RBFOX1: variants seen among roughly 807,000 people sequenced by gnomAD.
RBFOX1 encodes the protein RNA binding fox-1 homolog 1.
Under a neutral mutation model 57.7 loss-of-function variants are expected in RBFOX1, and 8 were observed. That is an observed-to-expected ratio of 0.14 (90% CI 0.08 to 0.25). The LOEUF (loss-of-function observed/expected upper bound fraction) is 0.25. RBFOX1 is among the 10% of genes least tolerant of loss of function. RBFOX1 has a pLI of 1.00. For missense variants in RBFOX1, 611 were observed against 548.5 expected, an observed-to-expected ratio of 1.11 and a Z score of -1.14; for synonymous variants, 326 against 222.4, an observed-to-expected ratio of 1.47 and a Z score of -4.15.
intron 1 of RBFOX1, among the ~76,000 whole-genome samples, chr16:5,348,927 T>C (rs2065201920): frequency 6.6e-6 from 1 of 152,236 alleles, no homozygotes; most frequent in East Asian, 1.9e-4. Context: ...CTTTTGGATA[T>C]ATACACAGAA....
At position 7,193,113 on chromosome 16, in the gene RBFOX1, C is replaced by T. The variant is rs1278894218; in HGVS notation, c.27+141015C>T. On this transcript the variant is annotated intron_variant, in intron 4 of 15. Coordinates refer to ENST00000550418, the MANE Select transcript of RBFOX1 (RefSeq NM_018723.4). ...TACATGTAGAGTTAGGCTTGCTAATCGGTTGGCCTTGAGATAGGCGCATTA... is the reference window on the plus strand; with the variant it reads ...TACATGTAGAGTTAGGCTTGCTAATTGGTTGGCCTTGAGATAGGCGCATTA... Among the ~76,000 whole-genome samples, 6 of 152,288 alleles carry T rather than the reference C, an allele frequency of 3.9e-5. No individual in the cohort carries two copies. The South Asian group carries it at 6.2e-4, about 16-fold the overall frequency.
chr16:6,110,668 G>A (rs536869091), intron 1 of RBFOX1, among the ~76,000 whole-genome samples: 2 of 152,270 alleles, frequency 1.3e-5, no homozygotes, highest in East Asian at 3.9e-4. Flanking sequence ...AGGAACGGAG[G>A]AGTTGAATAT....
At chr16:6,656,447 C>A (rs768733308) in intron 3 of RBFOX1, among the ~76,000 whole-genome samples, 1 of 152,122 alleles carries the variant, frequency 6.6e-6, no homozygotes, top group South Asian at 2.1e-4. Context: ...AAGCTCCACT[C>A]CACCTATGTG....
chr16:5,455,007 CTTT>C (rs1567536236), intron 1 of RBFOX1, among the ~76,000 whole-genome samples: 5 of 109,408 alleles, frequency 4.6e-5, no homozygotes, highest in Admixed American at 1.1e-4. Flanking sequence ...TTCTTTCTTT[CTTT>C]CTTTCTTTCT....
At chr16:7,254,037 T>A (rs2094583783) in intron 4 of RBFOX1, among the ~76,000 whole-genome samples, 1 of 152,160 alleles carries the variant, frequency 6.6e-6, no homozygotes, top group South Asian at 2.1e-4. Context: ...CCTCCTAACA[T>A]GTTTTTGAGA....
chr16:5,789,412 C>CATATTTGTGT (rs1295700200), intron 3 of RBFOX1, among the ~76,000 whole-genome samples: 4 of 152,024 alleles, frequency 2.6e-5, no homozygotes, highest in African/African-American at 9.7e-5. Flanking sequence ...TACAAGCCCG[C>CATATTTGTGT]ATATTTGTGT....
At chr16:5,339,473 T>G (rs1295347228) in intron 1 of RBFOX1, among the ~76,000 whole-genome samples, 10 of 64,492 alleles carry the variant, frequency 1.6e-4, no homozygotes, top group African/African-American at 5.9e-4. Flanking sequence ...TTTCCGTGTT[T>G]TTTTTTTTTT....
chr16:6,389,549 A>C (rs558751218), intron 2 of RBFOX1, among the ~76,000 whole-genome samples: 1 of 152,180 alleles, frequency 6.6e-6, no homozygotes, highest in South Asian at 2.1e-4. Flanking sequence ...AGGTCCACTT[A>C]GTCCAATTGC....
At chr16:7,160,455 C>A (rs1024811704) in intron 4 of RBFOX1, among the ~76,000 whole-genome samples, 7 of 152,028 alleles carry the variant, frequency 4.6e-5, no homozygotes, top group Admixed American at 4.6e-4. Context: ...AAATAATGTA[C>A]ATTAAATGTG....
chr16:7,501,454 A>T (rs369386312), intron 4 of RBFOX1, among the ~76,000 whole-genome samples: 1 of 152,184 alleles, frequency 6.6e-6, no homozygotes, highest in Admixed American at 6.5e-5. Context: ...TGTGCTTGCC[A>T]TTCCAATAGT....
At chr16:6,449,139 G>A (rs2094542784) in intron 2 of RBFOX1, among the ~76,000 whole-genome samples, 1 of 152,184 alleles carries the variant, frequency 6.6e-6, no homozygotes, top group Non-Finnish European at 1.5e-5. Flanking sequence ...GCTAATCACA[G>A]AGGACCAAGG....
chr16:5,385,098 AG>A (rs1225023694), intron 1 of RBFOX1, among the ~76,000 whole-genome samples: 1 of 152,262 alleles, frequency 6.6e-6, no homozygotes, highest in African/African-American at 2.4e-5. Flanking sequence ...GTTCAACATT[AG>A]TAATTATTAT....
chr16:6,398,197 C>T (rs553570038), intron 2 of RBFOX1, among the ~76,000 whole-genome samples: 5 of 152,078 alleles, frequency 3.3e-5, no homozygotes, highest in Non-Finnish European at 7.4e-5. Context: ...TCAGGGTCAC[C>T]GCCCCCATGG....
intron 1 of RBFOX1, among the ~76,000 whole-genome samples, chr16:6,202,355 C>G (rs1008173142): frequency 6.6e-6 from 1 of 152,142 alleles, no homozygotes; most frequent in African/African-American, 2.4e-5. Flanking sequence ...TTGATCATTT[C>G]TTGCCATCCC....
At chr16:6,127,287 A>ATT (rs1567518333) in intron 1 of RBFOX1, among the ~76,000 whole-genome samples, 19 of 151,276 alleles carry the variant, frequency 1.3e-4, no homozygotes, top group South Asian at 6.3e-4. Context: ...CTTTTTTTAA[A>ATT]AAAAAAAAAA....
intron 4 of RBFOX1, among the ~76,000 whole-genome samples, chr16:5,919,421 C>A (rs368480239): frequency 1.3e-5 from 2 of 152,076 alleles, no homozygotes; most frequent in East Asian, 3.9e-4. Context: ...CAGCTCACTG[C>A]AACTTCCTCC....
chr16:6,247,759 C>T (rs112921973), intron 1 of RBFOX1, among the ~76,000 whole-genome samples: 2,233 of 152,250 alleles, frequency 0.015, 28 homozygotes, highest in Middle Eastern at 0.031. Context: ...CCAGGCAAGG[C>T]TGAATTACTC....
At chr16:7,219,880 T>C (rs1253997040) in intron 4 of RBFOX1, among the ~76,000 whole-genome samples, 3 of 152,226 alleles carry the variant, frequency 2.0e-5, no homozygotes, top group Admixed American at 6.5e-5. Flanking sequence ...AGAAGTTTTC[T>C]AACCAAAGAG....
chr16:6,107,969 A>G (rs1275398513), intron 1 of RBFOX1, among the ~76,000 whole-genome samples: 4 of 152,158 alleles, frequency 2.6e-5, no homozygotes, highest in Non-Finnish European at 5.9e-5. Context: ...AATTAAGATT[A>G]GTCTTGAAAA....
Sources: gnomAD v4.1 joint callset for allele counts (sites outside exome capture counted in the v4.1 genomes callset) on GRCh38, gnomAD v4.1.1 for gene constraint, MANE v1.5 for transcripts, NCBI Gene and HGNC (gene_info 2026-07-23, HGNC 2026-07-21) for gene names.